The following RBFOX1 variants were observed in gnomAD, a reference collection of about 807,000 sequenced individuals.
The protein encoded by RBFOX1 is RNA binding fox-1 homolog 1, also known as RNA binding protein fox-1 homolog 1.
RBFOX1 carries 8 observed loss-of-function variants against 57.7 expected under a neutral mutation model. The ratio of observed to expected loss-of-function variants is 0.14; its 90% CI spans 0.08 to 0.25. The LOEUF is 0.25. RBFOX1 is among the 10% of genes least tolerant of loss of function. The pLI is 1.00. For synonymous variants in RBFOX1, 326 were observed against 222.4 expected (o/e 1.47, Z -4.15); for missense variants, 611 against 548.5 (o/e 1.11, Z -1.14).
chr16:7,000,612 T>C (rs1325415851), intron 3 of RBFOX1, among the ~76,000 whole-genome samples: 1 of 138,682 alleles, frequency 7.2e-6, no homozygotes, highest in African/African-American at 2.8e-5. Context: ...TTTTTTTTTT[T>C]TTTTTGAGAC....
intron 1 of RBFOX1, among the ~76,000 whole-genome samples, chr16:6,081,389 C>T (rs540028128): frequency 5.9e-5 from 9 of 152,204 alleles, no homozygotes; most frequent in African/African-American, 1.4e-4. Flanking sequence ...GTTTCTCTGT[C>T]GGATGCCTGG....
intron 3 of RBFOX1, among the ~76,000 whole-genome samples, chr16:5,831,473 T>TTTATTG (rs1555540198): frequency 2.1e-5 from 3 of 141,518 alleles, no homozygotes; most frequent in African/African-American, 5.2e-5. Context: ...TCTTTTCTCT[T>TTTATTG]TTATTATTAT....
At chr16:6,634,120 A>G (rs1048431503) in intron 2 of RBFOX1, among the ~76,000 whole-genome samples, 2 of 152,118 alleles carry the variant, frequency 1.3e-5, no homozygotes, top group African/African-American at 2.4e-5. Flanking sequence ...GACTATATCT[A>G]TATTCTACTA....
At chr16:5,374,770 G>A (rs1182474422) in intron 1 of RBFOX1, among the ~76,000 whole-genome samples, 2 of 150,612 alleles carry the variant, frequency 1.3e-5, no homozygotes, top group African/African-American at 4.9e-5. Flanking sequence ...ACTATTTCAT[G>A]ATGTGTGAAA....
intron 4 of RBFOX1, among the ~76,000 whole-genome samples, chr16:5,925,054 G>C (rs1479091003): frequency 6.6e-6 from 1 of 152,126 alleles, no homozygotes; most frequent in African/African-American, 2.4e-5. Flanking sequence ...ACCTACTGAA[G>C]CTGGTCATCC....
At position 6,409,574 on chromosome 16, in the gene RBFOX1, A is replaced by AT. The variant is rs527969104; in HGVS notation, c.-64+92524dup. On this transcript the variant is annotated intron_variant, in intron 2 of 15. Coordinates refer to ENST00000550418, the MANE Select transcript of RBFOX1 (RefSeq NM_018723.4). ...ATATACCTCCATGAAAAGTTGTGGG[A>AT]TTTTTTTAAGCTAAGACACATGATT... Among the ~76,000 whole-genome samples the AT allele has an allele frequency of 8.5e-5, 13 of 152,254 alleles. No individual in the cohort carries two copies. The South Asian group carries it at 2.1e-3, about 24-fold the overall frequency.
At chr16:6,746,293 A>G (rs968187572) in intron 3 of RBFOX1, among the ~76,000 whole-genome samples, 3 of 152,310 alleles carry the variant, frequency 2.0e-5, no homozygotes, top group South Asian at 2.1e-4. Context: ...AGTGGAAGTC[A>G]ACTTGAATGG....
intron 1 of RBFOX1, among the ~76,000 whole-genome samples, chr16:6,315,076 C>A (rs1014218416): frequency 2.6e-5 from 4 of 152,226 alleles, no homozygotes; most frequent in South Asian, 2.1e-4. Context: ...TTAAAAAGCA[C>A]CGACTTTGTG....
At position 6,278,739 on chromosome 16, in the gene RBFOX1, C is replaced by T. The variant is rs150842773; in HGVS notation, c.-126-38256C>T. 2.9e-4 allele frequency among the ~76,000 whole-genome samples: 44 copies of T among 151,844 alleles called. 1 individual carries two copies. Among genetic ancestry groups the T allele is most frequent in the African/African-American group, 1.0e-3 (42 of 41,380 alleles). Reference sequence around the variant, plus strand: ...ATAGATATTTGCATACAGCTTAGAGCAGAGTAGGTGGGGGGTTATTTTGGT... The same window carrying T: ...ATAGATATTTGCATACAGCTTAGAGTAGAGTAGGTGGGGGGTTATTTTGGT... On this transcript the variant is annotated intron_variant, in intron 1 of 15. Transcript: ENST00000550418.
chr16:6,158,900 T>A (rs1248474920), intron 1 of RBFOX1, among the ~76,000 whole-genome samples: 1 of 126,136 alleles, frequency 7.9e-6, no homozygotes, highest in Non-Finnish European at 1.7e-5. Context: ...AATTTCTCTG[T>A]CATAGGTTTG....
intron 4 of RBFOX1, among the ~76,000 whole-genome samples, chr16:7,149,646 C>T (rs2075740880): frequency 6.6e-6 from 1 of 151,936 alleles, no homozygotes; most frequent in African/African-American, 2.4e-5. Context: ...CCACCGTGCC[C>T]AGCTATATGC....
chr16:6,883,662 A>T (rs1461155792), intron 3 of RBFOX1, among the ~76,000 whole-genome samples: 1 of 152,226 alleles, frequency 6.6e-6, no homozygotes, highest in Non-Finnish European at 1.5e-5. Context: ...TGTAGTAAGT[A>T]TTGAAACCTT....
Position 6,019,769 on chromosome 16 carries a change from G to A in RBFOX1, c.-350G>A. On this transcript the variant is annotated 5_prime_UTR_variant, in exon 1 of 16. Transcript: ENST00000550418. The surrounding 1 kb of genome is among the most constrained non-coding windows in gnomAD (Gnocchi z 4.2). Reference sequence around the variant, plus strand: ...CTTGCGCTCCAGACCCCCACCCAGTGGCCGCCAGGGTCCCCGCCTGTCCGG... The same window carrying A: ...CTTGCGCTCCAGACCCCCACCCAGTAGCCGCCAGGGTCCCCGCCTGTCCGG... 2 of 1,405,882 alleles carry A rather than the reference G, an allele frequency of 1.4e-6. No individual in the cohort carries two copies. The highest frequency in any genetic ancestry group is 1.9e-6 in the Non-Finnish European group (2 of 1,079,188). The allele number at this position is 1,405,882 out of a possible 1,614,324, so 87.1% of individuals were successfully genotyped here. A position where few individuals can be genotyped will look rare whatever the true frequency, so the allele number is the denominator to read the frequency against.
chr16:6,313,930 A>G (rs991941739), intron 1 of RBFOX1, among the ~76,000 whole-genome samples: 1 of 152,120 alleles, frequency 6.6e-6, no homozygotes. Flanking sequence ...TTCTCGCTTT[A>G]TAACAATGGT....
chr16:5,298,406 C>T (rs72775770), intron 1 of RBFOX1, among the ~76,000 whole-genome samples: 4,683 of 149,968 alleles, frequency 0.031, 86 homozygotes, highest in Non-Finnish European at 0.042. Context: ...ATTTCTAGAG[C>T]GCTCCAAAAT....
chr16:7,147,227 A>G (rs374493965), intron 4 of RBFOX1, among the ~76,000 whole-genome samples: 6 of 149,872 alleles, frequency 4.0e-5, no homozygotes, highest in Non-Finnish European at 8.9e-5. Flanking sequence ...CTGGTCAGGA[A>G]CTCCTGACCT....
At chr16:6,965,449 G>A (rs996432992) in intron 3 of RBFOX1, among the ~76,000 whole-genome samples, 2 of 151,868 alleles carry the variant, frequency 1.3e-5, no homozygotes, top group Non-Finnish European at 2.9e-5. Flanking sequence ...TGATTCTTCT[G>A]CCTAAACCTC....
chr16:6,961,597 C>T (rs947144635), intron 3 of RBFOX1, among the ~76,000 whole-genome samples: 1 of 152,114 alleles, frequency 6.6e-6, no homozygotes, highest in Non-Finnish European at 1.5e-5. Context: ...GCTCTGAGGG[C>T]TGCTGATTGG....
chr16:7,064,423 C>T (rs1340109752), intron 4 of RBFOX1, among the ~76,000 whole-genome samples: 1 of 152,110 alleles, frequency 6.6e-6, no homozygotes, highest in Non-Finnish European at 1.5e-5. Flanking sequence ...CCTGCCTCAG[C>T]CTCCCAAAGT....
Sources: gnomAD v4.1 joint callset for allele counts (sites outside exome capture counted in the v4.1 genomes callset) on GRCh38, gnomAD v4.1.1 for gene constraint, Gnocchi (gnomAD v3.1) non-coding constraint, MANE v1.5 for transcripts, NCBI Gene and HGNC (gene_info 2026-07-23, HGNC 2026-07-21) for gene names.